Variants in AHI1 observed in about 807,000 individuals in gnomAD.
AHI1 encodes Abelson helper integration site 1, also known as jouberin.
Under a neutral mutation model 149.3 loss-of-function variants are expected in AHI1, and 123 were observed. That is an observed-to-expected ratio of 0.82 (90% CI 0.71 to 0.96). The LOEUF (loss-of-function observed/expected upper bound fraction) is 0.96. Ranked by LOEUF, AHI1 falls within the 40% of genes least tolerant of loss-of-function variation. AHI1 has a pLI of 0.00. For missense variants in AHI1, 1,439 were observed against 1,422.7 expected (o/e 1.01, Z -0.18); for synonymous variants, 475 against 459.8 (o/e 1.03, Z -0.42).
intron 24 of AHI1, among the ~76,000 whole-genome samples, chr6:135,350,054 C>A (rs1452970419): frequency 6.6e-6 from 1 of 152,192 alleles, no homozygotes; most frequent in Non-Finnish European, 1.5e-5. Context: ...AAAAAGAAAT[C>A]TTTATTTCAC....
intron 18 of AHI1, among the ~76,000 whole-genome samples, chr6:135,429,162 G>A (rs578193560): frequency 2.3e-4 from 35 of 151,662 alleles, no homozygotes; most frequent in African/African-American, 7.7e-4. Flanking sequence ...TTCTTCTGAT[G>A]AATTTTTAAA....
chr6:135,363,932 CGGGCGGGGGGCT>C (rs1794415085), intron 23 of AHI1, among the ~76,000 whole-genome samples: 1 of 145,154 alleles, frequency 6.9e-6, no homozygotes, highest in Non-Finnish European at 1.5e-5. Context: ...GGCGGCTGGC[CGGGCGGGGGGCT>C]GACCCCCCCA....
chr6:135,299,350 A>C (rs1783564065), intron 27 of AHI1, among the ~76,000 whole-genome samples: 1 of 152,218 alleles, frequency 6.6e-6, no homozygotes, highest in Admixed American at 6.5e-5. Context: ...GAGACATATT[A>C]TTCTTCAAAT....
chr6:135,329,058 T>C (rs966660607), intron 24 of AHI1, among the ~76,000 whole-genome samples: 14 of 152,112 alleles, frequency 9.2e-5, no homozygotes, highest in Admixed American at 8.5e-4. Context: ...CTAGCAGAGG[T>C]TGCTTCATGA....
intron 23 of AHI1, among the ~76,000 whole-genome samples, chr6:135,366,278 T>C (rs1159979356): frequency 6.6e-6 from 1 of 152,068 alleles, no homozygotes; most frequent in African/African-American, 2.4e-5. Context: ...CTGGCTTTGG[T>C]ATTACGGTGA....
At chr6:135,462,179 A>G (rs1156722301) in intron 8 of AHI1, among the ~76,000 whole-genome samples, 1 of 152,064 alleles carries the variant, frequency 6.6e-6, no homozygotes, top group Non-Finnish European at 1.5e-5. Context: ...ACCACAAAAC[A>G]TCATCACTTA....
intron 23 of AHI1, among the ~76,000 whole-genome samples, chr6:135,389,719 T>C (rs1338597055): frequency 6.6e-6 from 1 of 152,240 alleles, no homozygotes; most frequent in Non-Finnish European, 1.5e-5. Context: ...ATGAATTAAA[T>C]TTAATTTAGA....
At chr6:135,339,566 T>C (rs568304360) in intron 24 of AHI1, among the ~76,000 whole-genome samples, 44 of 152,142 alleles carry the variant, frequency 2.9e-4, no homozygotes, top group Non-Finnish European at 5.6e-4. Context: ...AGGGACTCAA[T>C]AGTAGGTATA....
At chr6:135,407,787 C>T (rs959875331) in intron 21 of AHI1, among the ~76,000 whole-genome samples, 5 of 151,860 alleles carry the variant, frequency 3.3e-5, no homozygotes, top group Non-Finnish European at 7.4e-5. Flanking sequence ...CCGAGGTGGG[C>T]GGATCACAAG....
At chr6:135,423,479 G>A (rs1783505978) in intron 20 of AHI1, among the ~76,000 whole-genome samples, 1 of 152,118 alleles carries the variant, frequency 6.6e-6, no homozygotes, top group African/African-American at 2.4e-5. Flanking sequence ...CTGGTAAAGT[G>A]TGCCACAATA....
chr6:135,300,489 A>G lies in AHI1; in HGVS notation c.3485+11T>C. On this transcript the variant is annotated intron_variant, in intron 27 of 28. Coordinates refer to ENST00000265602, the MANE Select transcript of AHI1 (RefSeq NM_001134831.2). ...TTTATCACTGCAAATTATTTTGAAG[A>G]AGTTGCTTACTGTGTCATAGATTCT... 6.3e-7 allele frequency: 1 copy of G among 1,596,026 alleles called. No individual in the cohort carries two copies. The highest frequency in any genetic ancestry group is 8.5e-7 in the Non-Finnish European group (1 of 1,171,440).
chr6:135,337,202 T>A (rs1789528898), intron 24 of AHI1, among the ~76,000 whole-genome samples: 1 of 152,134 alleles, frequency 6.6e-6, no homozygotes, highest in Admixed American at 6.5e-5. Flanking sequence ...TTATTAATAA[T>A]GAAGACACCT....
intron 23 of AHI1, among the ~76,000 whole-genome samples, chr6:135,389,749 T>C (rs1778197392): frequency 6.6e-6 from 1 of 152,212 alleles, no homozygotes; most frequent in South Asian, 2.1e-4. Flanking sequence ...TGAAAATATA[T>C]ACAAAGTCCA....
At chr6:135,395,230 G>A (rs1196808754) in intron 22 of AHI1, among the ~76,000 whole-genome samples, 2 of 151,894 alleles carry the variant, frequency 1.3e-5, no homozygotes, top group African/African-American at 4.8e-5. Flanking sequence ...GTTCAATTAA[G>A]GAAGGGTAAA....
chr6:135,368,751 C>G (rs571432109), intron 23 of AHI1, among the ~76,000 whole-genome samples: 1 of 152,304 alleles, frequency 6.6e-6, no homozygotes, highest in South Asian at 2.1e-4. Context: ...CACTCTACCC[C>G]TCAGTAGCAA....
At chr6:135,303,505 G>A (rs1784148450) in intron 26 of AHI1, among the ~76,000 whole-genome samples, 1 of 151,196 alleles carries the variant, frequency 6.6e-6, no homozygotes, top group Non-Finnish European at 1.5e-5. Flanking sequence ...TCTTGGTTCT[G>A]TCATTAACTC....
chr6:135,319,987 T>C (rs1407968204), intron 25 of AHI1, among the ~76,000 whole-genome samples: 1 of 152,202 alleles, frequency 6.6e-6, no homozygotes, highest in Admixed American at 6.5e-5. Flanking sequence ...GATTCTGCTC[T>C]TATACTCCCT....
chr6:135,471,179 A>C (rs1791631093), intron 5 of AHI1, among the ~76,000 whole-genome samples: 1 of 152,180 alleles, frequency 6.6e-6, no homozygotes, highest in Non-Finnish European at 1.5e-5. Context: ...TCAAGGAAAA[A>C]ATTTTAAAAT....
At chr6:135,356,005 T>C (rs1175666413) in intron 24 of AHI1, among the ~76,000 whole-genome samples, 1 of 152,194 alleles carries the variant, frequency 6.6e-6, no homozygotes, top group East Asian at 1.9e-4. Context: ...GCAACTAGCA[T>C]ATACCACTCT....
Sources: gnomAD v4.1 joint callset for allele counts (sites outside exome capture counted in the v4.1 genomes callset) on GRCh38, gnomAD v4.1.1 for gene constraint, MANE v1.5 for transcripts, NCBI Gene and HGNC (gene_info 2026-07-23, HGNC 2026-07-21) for gene names.